The following XDH variants were observed in gnomAD, a reference collection of about 807,000 sequenced individuals.
XDH encodes xanthine dehydrogenase/oxidase.
XDH carries 138 observed loss-of-function variants against 156.1 expected under a neutral mutation model. The ratio of observed to expected loss-of-function variants is 0.88; its 90% confidence interval spans 0.77 to 1.02. The LOEUF is 1.02. Ranked by LOEUF, XDH falls within the 50% of genes least tolerant of loss-of-function variation. The pLI is 0.00. For synonymous variants in XDH, 669 were observed against 625.7 expected (o/e 1.07, Z -1.03); for missense variants, 1,849 against 1,684.9 (o/e 1.10, Z -1.71).
At position 31,381,733 on chromosome 2, in the gene XDH, C is replaced by T. The variant is rs532388078; in HGVS notation, c.1039-7G>A. On this transcript the variant is annotated splice_polypyrimidine_tract_variant and splice_region_variant and intron_variant, in intron 11 of 35. Transcript: ENST00000379416. ...TGATGTTCCCTCCAACGGACTAAAA[C>T]AAGCAGAGAGCATGCAGTGAGAGCC... is the stretch of plus-strand genomic sequence containing the variant. The T allele has an allele frequency of 6.2e-7, 1 of 1,611,496 alleles. No homozygotes were observed. Among genetic ancestry groups the T allele is most frequent in the South Asian group, 1.1e-5 (1 of 90,438 alleles).
intron 24 of XDH, among the ~76,000 whole-genome samples, chr2:31,353,372 T>A (rs868105380): frequency 1.1e-4 from 16 of 152,212 alleles, no homozygotes; most frequent in Non-Finnish European, 8.8e-5. Flanking sequence ...AAACTCAACA[T>A]TGAAGTATAT....
chr2:31,397,203 G>C (rs914250060), intron 6 of XDH, among the ~76,000 whole-genome samples: 1 of 152,198 alleles, frequency 6.6e-6, no homozygotes, highest in South Asian at 2.1e-4. Flanking sequence ...ACTGTCTGGA[G>C]ATCTAATTAC....
chr2:31,394,944 AT>A (rs890329958), intron 6 of XDH, among the ~76,000 whole-genome samples: 5 of 151,982 alleles, frequency 3.3e-5, no homozygotes, highest in African/African-American at 1.2e-4. Context: ...TATGTTATCT[AT>A]TTTTTCCATT....
In XDH at chr2:31,341,358, TG is replaced by T; in HGVS notation, c.3555del (p.Ser1186ValfsTer2). On this transcript the variant is annotated frameshift_variant, in exon 33 of 36. Coordinates refer to ENST00000379416, the MANE Select transcript of XDH (RefSeq NM_000379.4). LOFTEE classifies it high-confidence loss of function. ...CCAATATCAATGGCAGGGTTTAGAC[TG>T]GAGCCAACATCCATGACAATATCTG... ...LRTDIVMDVG[S>X]SLNPAIDIGQ... 6.3e-7 allele frequency: 1 copy of T among 1,579,752 alleles called. No homozygotes were observed.
intron 34 of XDH, among the ~76,000 whole-genome samples, chr2:31,338,245 C>T (rs954965831): frequency 3.3e-5 from 5 of 152,142 alleles, no homozygotes; most frequent in East Asian, 1.9e-4. Flanking sequence ...TTACAGCATC[C>T]GCAGGAATTA....
intron 6 of XDH, among the ~76,000 whole-genome samples, chr2:31,388,704 G>T (rs1276416972): frequency 6.6e-6 from 1 of 152,172 alleles, no homozygotes; most frequent in African/African-American, 2.4e-5. Context: ...AGGTTCTAGG[G>T]GCGTGGCTGG....
intron 24 of XDH, among the ~76,000 whole-genome samples, chr2:31,351,167 A>C (rs1445490091): frequency 6.6e-6 from 1 of 152,166 alleles, no homozygotes; most frequent in Non-Finnish European, 1.5e-5. Flanking sequence ...TTTTGATCAG[A>C]TCAACAGTCA....
Position 31,339,457 on chromosome 2 carries a change from G to A in XDH, c.3774+32C>T, listed in dbSNP as rs45591431. On this transcript the variant is annotated intron_variant, in intron 34 of 35. Transcript: ENST00000379416. ...CTGGGGCCTCCCCCAGGGCAGATCA[G>A]AAGAGACAGCACAGAGCCAGAGCAA... 1.2e-6 allele frequency: 2 copies of A among 1,613,180 alleles called. 1 individual carries two copies. The highest frequency in any genetic ancestry group is 2.2e-5 in the South Asian group (2 of 91,034).
intron 30 of XDH, among the ~76,000 whole-genome samples, chr2:31,346,539 G>A (rs1272880433): frequency 6.6e-6 from 1 of 152,092 alleles, no homozygotes; most frequent in African/African-American, 2.4e-5. Flanking sequence ...CAAGATCCTG[G>A]ATCAAAAACT....
In XDH at chr2:31,398,630, T is replaced by G; in HGVS notation, c.376A>C (p.Thr126Pro). Residue 126 changes from threonine to proline, a missense_variant, in exon 5 of 36, where the codon ACA becomes CCA. Physicochemically the swap from Thr to Pro is conservative, Grantham distance 38 (BLOSUM62 -1). Coordinates refer to ENST00000379416, the MANE Select transcript of XDH (RefSeq NM_000379.4). ...CTPGIVMSMY[T>P]LLRNQPEPTM... ...GGCTCGGGCTGATTCCGGAGCAGTG[T>G]GTACATACTCATGACGATGCCAGGG... 8 of 1,614,140 alleles carry G rather than the reference T, an allele frequency of 5.0e-6. No homozygotes were observed. Among genetic ancestry groups the G allele is most frequent in the Non-Finnish European group, 6.8e-6 (8 of 1,179,998 alleles).
In XDH at chr2:31,379,945, G is replaced by A. The variant is rs780701871; in HGVS notation, c.1164C>T (p.Thr388=). ...GGGTCTTTCTGTAGCCAGGGAAGAAGGTGTGGTCCATCTGGACAGTTCTCC... is the reference window on the plus strand; with the variant it reads ...GGGTCTTTCTGTAGCCAGGGAAGAAAGTGTGGTCCATCTGGACAGTTCTCC... ...GTRRTVQMDH[T]FFPGYRKTLL... The change falls in exon 13 of 36, where the codon ACC becomes ACT. Residue 388 remains threonine, a synonymous_variant. Coordinates refer to ENST00000379416, the MANE Select transcript of XDH (RefSeq NM_000379.4). The A allele has an allele frequency of 9.3e-6, 15 of 1,614,108 alleles. No individual in the cohort carries two copies. Among genetic ancestry groups the A allele is most frequent in the Non-Finnish European group, 1.2e-5 (14 of 1,180,024 alleles).
At chr2:31,359,692 G>A (rs985258385) in intron 24 of XDH, among the ~76,000 whole-genome samples, 6 of 152,172 alleles carry the variant, frequency 3.9e-5, no homozygotes, top group African/African-American at 1.4e-4. Flanking sequence ...TTTATAAGGT[G>A]TGGTGGGGAA....
chr2:31,386,298 G>A (rs1253541456), intron 9 of XDH, 116 bp downstream of exon 9: 33 of 1,399,024 alleles, frequency 2.4e-5, no homozygotes, highest in Non-Finnish European at 3.1e-5. Context: ...AGTCAGTGGG[G>A]CAGAGGGATA....
intron 18 of XDH, among the ~76,000 whole-genome samples, chr2:31,369,133 G>A (rs1686003230): frequency 6.6e-6 from 1 of 151,980 alleles, no homozygotes; most frequent in South Asian, 2.1e-4. Flanking sequence ...TCTCTTTTAT[G>A]TTCTATTTCC....
intron 1 of XDH, among the ~76,000 whole-genome samples, chr2:31,410,801 G>A (rs773585783): frequency 1.3e-5 from 2 of 152,170 alleles, no homozygotes; most frequent in African/African-American, 4.8e-5. Flanking sequence ...AAGCTGAGGA[G>A]CTGTTCTAGA....
At chr2:31,360,616 G>A (rs1485751269) in intron 24 of XDH, among the ~76,000 whole-genome samples, 1 of 152,144 alleles carries the variant, frequency 6.6e-6, no homozygotes, top group African/African-American at 2.4e-5. Context: ...TATCCACACT[G>A]TGTACTACCT....
At chr2:31,366,557 G>A (rs1685919707) in intron 21 of XDH, among the ~76,000 whole-genome samples, 1 of 152,136 alleles carries the variant, frequency 6.6e-6, no homozygotes, top group African/African-American at 2.4e-5. Context: ...CTTGACCGAG[G>A]CCATAGGCAC....
chr2:31,381,843 T>G (rs894498455), intron 11 of XDH, 117 bp from the exon 12 acceptor site: 1 of 880,614 alleles, frequency 1.1e-6, no homozygotes, highest in Non-Finnish European at 1.9e-6. Flanking sequence ...CCTGAGGTCC[T>G]GTGCCTACTG....
intron 24 of XDH, among the ~76,000 whole-genome samples, chr2:31,355,260 C>T (rs886130251): frequency 1.3e-5 from 2 of 152,036 alleles, no homozygotes; most frequent in Middle Eastern, 3.4e-3. Flanking sequence ...CCAGCAGACC[C>T]ACAATAAAAT....
Sources: allele counts gnomAD v4.1 joint callset (sites outside exome capture counted in the v4.1 genomes callset), GRCh38; gene constraint gnomAD v4.1.1; transcripts MANE v1.5; gene names NCBI Gene and HGNC (gene_info 2026-07-23, HGNC 2026-07-21).